The following CHRM3 variants were observed in gnomAD, a reference collection of about 807,000 sequenced individuals.
CHRM3 encodes the protein cholinergic receptor muscarinic 3, also known as muscarinic acetylcholine receptor M3.
Under a neutral mutation model 41.8 loss-of-function variants are expected in CHRM3, and 11 were observed. The observed-to-expected ratio is 0.26, with a 90% CI of 0.17 to 0.44. CHRM3 has a LOEUF of 0.44. CHRM3 is among the 20% of genes least tolerant of loss of function. The pLI is 1.00. For synonymous variants in CHRM3, 297 were observed against 301.4 expected (o/e 0.99, Z 0.15); for missense variants, 571 against 745.4 (o/e 0.77, Z 2.72).
chr1:239,646,475 C>T (rs1671748988), intron 4 of CHRM3, among the ~76,000 whole-genome samples: 1 of 152,132 alleles, frequency 6.6e-6, no homozygotes, highest in African/African-American at 2.4e-5. Context: ...CACATATACG[C>T]ACTGTTGGAA....
At chr1:239,560,124 T>A (rs562742414) in intron 3 of CHRM3, among the ~76,000 whole-genome samples, 9 of 152,354 alleles carry the variant, frequency 5.9e-5, no homozygotes, top group African/African-American at 2.2e-4. Context: ...GAAATTTGTG[T>A]TTGATAAGTA....
rs142688597 is a variant in CHRM3 at position 239,783,094 on chromosome 1, T to C, written c.-146-44158T>C. Among the ~76,000 whole-genome samples the C allele has an allele frequency of 1.5e-3, 227 of 152,204 alleles. 1 individual carries two copies. Among genetic ancestry groups the C allele is most frequent in the African/African-American group, 5.3e-3 (221 of 41,572 alleles). On this transcript the variant is annotated intron_variant, in intron 5 of 6. Coordinates refer to ENST00000676153, the MANE Select transcript of CHRM3 (RefSeq NM_001375978.1). ...TATACTCTAATACTTTTGTCTGAAA[T>C]AGTCTACAGATGTTCATTATACCTA...
chr1:239,584,768 A>G (rs886609291), intron 3 of CHRM3, among the ~76,000 whole-genome samples: 1 of 152,090 alleles, frequency 6.6e-6, no homozygotes, highest in Non-Finnish European at 1.5e-5. Flanking sequence ...CATCTTCCCC[A>G]CTTAACTCAG....
intron 1 of CHRM3, among the ~76,000 whole-genome samples, chr1:239,484,733 G>A (rs1026192912): frequency 6.6e-6 from 1 of 152,050 alleles, no homozygotes; most frequent in Non-Finnish European, 1.5e-5. Flanking sequence ...TGAAACATGG[G>A]AACAGGACAG....
At chr1:239,604,619 C>A (rs769713326) in intron 3 of CHRM3, among the ~76,000 whole-genome samples, 1 of 152,146 alleles carries the variant, frequency 6.6e-6, no homozygotes, top group Non-Finnish European at 1.5e-5. Context: ...AATGGACAGA[C>A]CCTGGATCTC....
Position 239,909,409 on chromosome 1 carries a change from A to T in CHRM3, c.*185A>T. 1 of 469,650 alleles carries T rather than the reference A, an allele frequency of 2.1e-6. No individual in the cohort carries two copies. The highest frequency in any genetic ancestry group is 3.7e-6 in the Non-Finnish European group (1 of 268,508). The allele number at this position is 469,650 out of a possible 1,614,324, so 29.1% of individuals were successfully genotyped here. A position where few individuals can be genotyped will look rare whatever the true frequency, so the allele number is the denominator to read the frequency against. On this transcript the variant is annotated 3_prime_UTR_variant, in exon 7 of 7. Transcript: ENST00000676153. ...ATTTTAATAGAAAAAGTCAATACCA[A>T]TTCAGCAAAAAGAAAAAAAAAACAT...
intron 1 of CHRM3, among the ~76,000 whole-genome samples, chr1:239,464,959 T>A (rs977130248): frequency 1.3e-5 from 2 of 152,126 alleles, no homozygotes; most frequent in East Asian, 3.8e-4. Context: ...ATATGCAGAA[T>A]GGATAAATAA....
Position 239,460,369 on chromosome 1 carries a change from A to G in CHRM3, c.-520-32340A>G, listed in dbSNP as rs182290772. ...GCTGCTAAGAAGTTCCAGGGTATTAAGAAGAATGCTAATGACACCTTCTCT... is the reference window on the plus strand; with the variant it reads ...GCTGCTAAGAAGTTCCAGGGTATTAGGAAGAATGCTAATGACACCTTCTCT... On this transcript the variant is annotated intron_variant, in intron 1 of 6. Coordinates refer to ENST00000676153, the MANE Select transcript of CHRM3 (RefSeq NM_001375978.1). 5.6e-4 allele frequency among the ~76,000 whole-genome samples: 85 copies of G among 152,286 alleles called. 1 individual carries two copies. Among genetic ancestry groups the G allele is most frequent in the Non-Finnish European group, 1.9e-4 (13 of 68,020 alleles).
intron 5 of CHRM3, among the ~76,000 whole-genome samples, chr1:239,822,187 A>G (rs1017876860): frequency 6.6e-6 from 1 of 152,228 alleles, no homozygotes; most frequent in Non-Finnish European, 1.5e-5. Context: ...AATTCACTAA[A>G]TTATATCTTT....
chr1:239,523,360 C>G (rs1625158), intron 2 of CHRM3, among the ~76,000 whole-genome samples: 69,987 of 151,764 alleles, frequency 0.46, 16,921 homozygotes, highest in Middle Eastern at 0.62. Context: ...TAACCTAAGT[C>G]TAAACAAGAC....
chr1:239,896,188 G>T (rs1304636517), intron 6 of CHRM3, among the ~76,000 whole-genome samples: 3 of 152,166 alleles, frequency 2.0e-5, no homozygotes, highest in Admixed American at 6.5e-5. Flanking sequence ...GTGCATCGGG[G>T]ACATAGGCTC....
intron 5 of CHRM3, among the ~76,000 whole-genome samples, chr1:239,776,395 A>G (rs1347433039): frequency 6.6e-6 from 1 of 152,224 alleles, no homozygotes; most frequent in African/African-American, 2.4e-5. Context: ...GTATCTTAAA[A>G]GTTTTTAAAT....
At chr1:239,768,229 ATTCT>A (rs1331941359) in intron 5 of CHRM3, among the ~76,000 whole-genome samples, 1 of 152,332 alleles carries the variant, frequency 6.6e-6, no homozygotes, top group East Asian at 1.9e-4. Flanking sequence ...GGTAACGTAA[ATTCT>A]TTCTCCTAAA....
At chr1:239,651,985 GTTTT>G (rs56096731) in intron 4 of CHRM3, among the ~76,000 whole-genome samples, 94 of 140,222 alleles carry the variant, frequency 6.7e-4, no homozygotes, top group Admixed American at 6.3e-4. Context: ...GCCAGTTTTT[GTTTT>G]TTTTTTTTTT....
chr1:239,584,378 A>G (rs937742934), intron 3 of CHRM3, among the ~76,000 whole-genome samples: 42 of 152,142 alleles, frequency 2.8e-4, no homozygotes, highest in Admixed American at 8.5e-4. Context: ...TGCTGGGATT[A>G]CAGGTGTGAG....
intron 5 of CHRM3, among the ~76,000 whole-genome samples, chr1:239,683,440 G>A (rs540969049): frequency 6.6e-6 from 1 of 152,260 alleles, no homozygotes; most frequent in South Asian, 2.1e-4. Flanking sequence ...AAGTCAAAGG[G>A]CCAAAATAGC....
chr1:239,428,370 A>G (rs1345476836), intron 1 of CHRM3, among the ~76,000 whole-genome samples: 4 of 152,206 alleles, frequency 2.6e-5, no homozygotes, highest in African/African-American at 9.6e-5. Context: ...GATATTTCAG[A>G]GTGCAAAATA....
chr1:239,408,509 G>C (rs1660800077), intron 1 of CHRM3, among the ~76,000 whole-genome samples: 3 of 126,846 alleles, frequency 2.4e-5, no homozygotes, highest in Admixed American at 1.7e-4. Context: ...GGGCAACAGA[G>C]AGAGACTCCG....
At chr1:239,458,490 G>A (rs934573509) in intron 1 of CHRM3, among the ~76,000 whole-genome samples, 2 of 152,106 alleles carry the variant, frequency 1.3e-5, no homozygotes, top group African/African-American at 4.8e-5. Flanking sequence ...ATACCAAAAT[G>A]GAAGTCCCTA....
Sources: allele counts gnomAD v4.1 joint callset (sites outside exome capture counted in the v4.1 genomes callset), GRCh38; gene constraint gnomAD v4.1.1; transcripts MANE v1.5; gene names NCBI Gene and HGNC (gene_info 2026-07-23, HGNC 2026-07-21).